The following FBXL17 variants were observed in gnomAD, a reference collection of about 807,000 sequenced individuals.
The protein encoded by FBXL17 is F-box and leucine rich repeat protein 17.
In FBXL17, 22 loss-of-function variants were observed where a neutral mutation model predicts 66.2. The observed-to-expected ratio is 0.33, with a 90% CI of 0.24 to 0.47. FBXL17 has a LOEUF of 0.47. Ranked by LOEUF, FBXL17 falls within the 20% of genes least tolerant of loss-of-function variation. FBXL17 has a pLI of 1.00. For missense variants in FBXL17, 878 were observed against 948.2 expected, an observed-to-expected ratio of 0.93 and a Z score of 0.97; for synonymous variants, 474 against 400.5, an observed-to-expected ratio of 1.18 and a Z score of -2.19.
At chr5:108,142,569 ATTTT>A (rs1027083704) in intron 6 of FBXL17, among the ~76,000 whole-genome samples, 1 of 152,112 alleles carries the variant, frequency 6.6e-6, no homozygotes, top group Admixed American at 6.5e-5. Flanking sequence ...TTGCTAACTG[ATTTT>A]TTCGCCTAGA....
intron 6 of FBXL17, among the ~76,000 whole-genome samples, chr5:108,036,692 T>C (rs2112794869): frequency 6.6e-6 from 1 of 152,294 alleles, no homozygotes; most frequent in Admixed American, 6.5e-5. Context: ...GGCCTGACTT[T>C]TCCGGCTACC....
At chr5:108,121,098 G>C (rs1750475625) in intron 6 of FBXL17, among the ~76,000 whole-genome samples, 1 of 152,178 alleles carries the variant, frequency 6.6e-6, no homozygotes. Flanking sequence ...GGGAGGCTGA[G>C]GTGGGCAGAT....
intron 6 of FBXL17, among the ~76,000 whole-genome samples, chr5:108,091,425 A>G (rs1375729360): frequency 6.6e-6 from 1 of 152,208 alleles, no homozygotes; most frequent in East Asian, 1.9e-4. Context: ...TCTGTTTTCT[A>G]TGTTGGTGTT....
chr5:107,889,906 G>C (rs1291223295), intron 7 of FBXL17, among the ~76,000 whole-genome samples: 2 of 152,156 alleles, frequency 1.3e-5, no homozygotes, highest in Non-Finnish European at 2.9e-5. Flanking sequence ...GGCATATTTA[G>C]AACTAACATA....
At chr5:108,367,682 A>G in intron 2 of FBXL17, 149 bp downstream of exon 2, 1 of 568,478 alleles carries the variant, frequency 1.8e-6, no homozygotes, top group Non-Finnish European at 2.8e-6. Flanking sequence ...TTGAAATCAC[A>G]TACACAAAAA....
rs1201224420 is a variant in FBXL17 at position 108,232,784 on chromosome 5, T to TATATATATAC, written c.1507-8557_1507-8556insGTATATATAT. Among the ~76,000 whole-genome samples the TATATATATAC allele has an allele frequency of 3.1e-5, 3 of 95,796 alleles. 1 individual carries two copies. Among genetic ancestry groups the TATATATATAC allele is most frequent in the Non-Finnish European group, 5.6e-5 (3 of 53,976 alleles). 62.8% of individuals were successfully genotyped at this position (95,796 alleles called of 152,430 possible). Reference sequence around the variant, plus strand: ...AGTTAATACTGAATAAGCTCTCACATATATATATATATATATATATAATAT... The same window carrying TATATATATAC: ...AGTTAATACTGAATAAGCTCTCACATATATATATACATATATATATATATATATATAATAT... On this transcript the variant is annotated intron_variant, in intron 4 of 8. Coordinates refer to ENST00000542267, the MANE Select transcript of FBXL17 (RefSeq NM_001163315.3).
At chr5:108,085,090 G>C (rs1236005399) in intron 6 of FBXL17, among the ~76,000 whole-genome samples, 1 of 152,212 alleles carries the variant, frequency 6.6e-6, no homozygotes, top group Non-Finnish European at 1.5e-5. Flanking sequence ...AAAAAGACAA[G>C]ATGAAAGTCA....
chr5:108,135,031 T>C (rs1196707903), intron 6 of FBXL17, among the ~76,000 whole-genome samples: 1 of 152,074 alleles, frequency 6.6e-6, no homozygotes, highest in Admixed American at 6.6e-5. Context: ...AGAAATCTGA[T>C]CAGAAACTCA....
intron 7 of FBXL17, among the ~76,000 whole-genome samples, chr5:108,002,028 T>C (rs1753748803): frequency 6.6e-6 from 1 of 151,968 alleles, no homozygotes; most frequent in Non-Finnish European, 1.5e-5. Flanking sequence ...CTCTTGTAGA[T>C]TTTTTTGAGA....
rs201752049 is a variant in FBXL17, at chr5:107,871,057, C to CAAAAAAAAAAAAAAAAAAAAAAAA, written c.1966-9198_1966-9197insTTTTTTTTTTTTTTTTTTTTTTTT. On this transcript the variant is annotated intron_variant, in intron 8 of 8. Transcript: ENST00000542267. ...GGTAAGAAATATTACTCTTGGGCGGCAAAAAAAAAAAAAAAAAAAAAACCT... is the reference window on the plus strand; with the variant it reads ...GGTAAGAAATATTACTCTTGGGCGGCAAAAAAAAAAAAAAAAAAAAAAAAAAAAAAAAAAAAAAAAAAAAAACCT... 3.5e-4 allele frequency among the ~76,000 whole-genome samples: 23 copies of CAAAAAAAAAAAAAAAAAAAAAAAA among 65,888 alleles called. 2 individuals are homozygous for CAAAAAAAAAAAAAAAAAAAAAAAA. The highest frequency in any genetic ancestry group is 7.5e-4 in the African/African-American group (10 of 13,320). The allele number at this position is 65,888 out of a possible 152,430, so 43.2% of individuals were successfully genotyped here. A position where few individuals can be genotyped will look rare whatever the true frequency, so the allele number is the denominator to read the frequency against.
intron 4 of FBXL17, chr5:108,299,216 T>C: frequency 1.0e-6 from 1 of 985,072 alleles, no homozygotes; most frequent in Non-Finnish European, 1.2e-6. Flanking sequence ...CTTTATGACA[T>C]ACATACAGGA....
At chr5:108,082,794 C>A (rs1460550561) in intron 6 of FBXL17, among the ~76,000 whole-genome samples, 4 of 152,092 alleles carry the variant, frequency 2.6e-5, no homozygotes, top group African/African-American at 9.7e-5. Context: ...TTTGAACAGA[C>A]TGAACTTTGC....
rs147788953 is a variant in FBXL17 at position 108,081,969 on chromosome 5, T to C, written c.1746-60968A>G. ...GCAAGTTCATCAAGAAGGAAAGAGTTAAGCCTAACTCTCAACTCTTCATAG... is the reference window on the plus strand; with the variant it reads ...GCAAGTTCATCAAGAAGGAAAGAGTCAAGCCTAACTCTCAACTCTTCATAG... On this transcript the variant is annotated intron_variant, in intron 6 of 8. Coordinates refer to ENST00000542267, the MANE Select transcript of FBXL17 (RefSeq NM_001163315.3). 7.9e-5 allele frequency among the ~76,000 whole-genome samples: 12 copies of C among 152,210 alleles called. No homozygotes were observed. The East Asian group carries it at 2.3e-3, about 30-fold the overall frequency.
At chr5:107,912,079 G>A (rs1477698787) in intron 7 of FBXL17, among the ~76,000 whole-genome samples, 1 of 152,034 alleles carries the variant, frequency 6.6e-6, no homozygotes, top group Admixed American at 6.6e-5. Flanking sequence ...AGTATAAATC[G>A]ATGTAGCCAA....
intron 7 of FBXL17, among the ~76,000 whole-genome samples, chr5:107,922,049 G>C (rs976808429): frequency 1.2e-4 from 18 of 152,310 alleles, no homozygotes; most frequent in African/African-American, 4.3e-4. Context: ...AAGACAGAGA[G>C]AGGCCAATAA....
At chr5:108,161,161 G>GATAGATAC (rs376656671) in intron 6 of FBXL17, among the ~76,000 whole-genome samples, 1 of 149,202 alleles carries the variant, frequency 6.7e-6, no homozygotes, top group African/African-American at 2.5e-5. Context: ...TCAACAAATA[G>GATAGATAC]ATACATACAT....
chr5:108,324,941 A>AGAGGTACCTAGAG (rs1759781560), intron 4 of FBXL17, among the ~76,000 whole-genome samples: 1 of 152,110 alleles, frequency 6.6e-6, no homozygotes, highest in South Asian at 2.1e-4. Context: ...GGTACCTAGA[A>AGAGGTACCTAGAG]GAGGTACCTA....
At chr5:107,876,049 T>C (rs1389306626) in intron 8 of FBXL17, among the ~76,000 whole-genome samples, 2 of 152,242 alleles carry the variant, frequency 1.3e-5, no homozygotes, top group African/African-American at 4.8e-5. Context: ...CCTTTCACAA[T>C]CTATTTATGT....
intron 7 of FBXL17, among the ~76,000 whole-genome samples, chr5:107,895,854 AG>A (rs1382573137): frequency 3.9e-5 from 6 of 152,120 alleles, no homozygotes; most frequent in Admixed American, 2.6e-4. Flanking sequence ...TATGTTCAAG[AG>A]GTTACATGGT....
Sources: allele counts gnomAD v4.1 joint callset (sites outside exome capture counted in the v4.1 genomes callset), GRCh38; gene constraint gnomAD v4.1.1; transcripts MANE v1.5; gene names NCBI Gene and HGNC (gene_info 2026-07-23, HGNC 2026-07-21).